Variants in TBL1X observed in about 807,000 individuals in gnomAD.
TBL1X encodes the protein transducin beta like 1 X-linked.
Under a neutral mutation model 50.7 loss-of-function variants are expected in TBL1X, and 10 were observed. The ratio of observed to expected loss-of-function variants is 0.20; its 90% confidence interval spans 0.12 to 0.33. TBL1X has a LOEUF of 0.33. TBL1X is among the 10% of genes least tolerant of loss of function. TBL1X has a pLI of 1.00. For synonymous variants in TBL1X, 190 were observed against 214.7 expected (o/e 0.88, Z 1.01); for missense variants, 340 against 504.4 (o/e 0.67, Z 3.12).
intron 1 of TBL1X, among the ~76,000 whole-genome samples, chrX:9,491,330 A>ATT: frequency 4.4e-5 from 1 of 22,731 alleles, no homozygotes; most frequent in African/African-American, 1.8e-4. Flanking sequence ...ATATATATAT[A>ATT]TATATATATT....
intron 2 of TBL1X, among the ~76,000 whole-genome samples, chrX:9,621,738 C>A (rs982076037): frequency 3.6e-5 from 4 of 112,121 alleles, no homozygotes; most frequent in African/African-American, 1.3e-4. Flanking sequence ...GAACACCCAG[C>A]CCATTTCCCA....
intron 2 of TBL1X, among the ~76,000 whole-genome samples, chrX:9,631,963 T>G (rs1306266652): frequency 2.7e-5 from 3 of 112,564 alleles, no homozygotes; most frequent in Non-Finnish European, 3.7e-5. Flanking sequence ...TTGAAAGATA[T>G]TTCATCTGAG....
chrX:9,681,341 C>T (rs972852864), intron 5 of TBL1X, among the ~76,000 whole-genome samples: 6 of 111,948 alleles, frequency 5.4e-5, no homozygotes, highest in African/African-American at 1.6e-4. Context: ...AGCGGAATCT[C>T]GGAGTCACAT....
intron 2 of TBL1X, among the ~76,000 whole-genome samples, chrX:9,625,135 C>T (rs2082686049): frequency 8.9e-6 from 1 of 112,320 alleles, no homozygotes; most frequent in Non-Finnish European, 1.9e-5. Context: ...AAAACGTCTG[C>T]AGGTTCATCT....
intron 2 of TBL1X, among the ~76,000 whole-genome samples, chrX:9,566,066 G>A (rs762444219): frequency 8.9e-6 from 1 of 112,379 alleles, no homozygotes; most frequent in South Asian, 3.7e-4. Context: ...GAAAGTGAAA[G>A]TATAGGATAT....
chrX:9,687,957 G>T (rs1175842632), intron 6 of TBL1X, 60 bp from the exon 7 acceptor site: 11 of 1,154,356 alleles, frequency 9.5e-6, no homozygotes, highest in African/African-American at 1.8e-5. Flanking sequence ...GAGAGCAGAG[G>T]CCATTCCCAG....
rs371007421 is a variant in TBL1X at position 9,478,625 on chromosome X, G to T, written c.-201+13178G>T. On this transcript the variant is annotated intron_variant, in intron 1 of 17. Coordinates refer to ENST00000645353, the MANE Select transcript of TBL1X (RefSeq NM_005647.4). Reference sequence around the variant, plus strand: ...CTAATGGGAGGCCATCAGGATGGGGGAGGAGAGGAGCCTGATTGCTGCTAA... The same window carrying T: ...CTAATGGGAGGCCATCAGGATGGGGTAGGAGAGGAGCCTGATTGCTGCTAA... 8.4e-4 allele frequency among the ~76,000 whole-genome samples: 94 copies of T among 111,828 alleles called. 1 individual carries two copies. Among genetic ancestry groups the T allele is most frequent in the East Asian group, 6.2e-3 (22 of 3,548 alleles).
At chrX:9,473,120 C>T (rs1022059239) in intron 1 of TBL1X, among the ~76,000 whole-genome samples, 2 of 111,106 alleles carry the variant, frequency 1.8e-5, no homozygotes, top group African/African-American at 6.6e-5. Context: ...ATGTAAAAAT[C>T]GGTAGTGCCA....
intron 2 of TBL1X, among the ~76,000 whole-genome samples, chrX:9,510,324 C>T (rs1275902401): frequency 8.9e-6 from 1 of 112,030 alleles, no homozygotes; most frequent in African/African-American, 3.2e-5. Flanking sequence ...ATTTGGATTG[C>T]AGTTAGTGCA....
At chrX:9,490,172 T>A (rs1042414846) in intron 1 of TBL1X, among the ~76,000 whole-genome samples, 5 of 110,720 alleles carry the variant, frequency 4.5e-5, no homozygotes. Flanking sequence ...AGTCTCATCA[T>A]GTTGTCCAGA....
At chrX:9,544,106 T>C (rs187352033) in intron 2 of TBL1X, among the ~76,000 whole-genome samples, 9 of 112,027 alleles carry the variant, frequency 8.0e-5, no homozygotes, top group African/African-American at 2.9e-4. Context: ...CCACCCCGTA[T>C]CCCAAGAAAT....
chrX:9,651,254 A>G lies in TBL1X; in HGVS notation c.-42-2291A>G, dbSNP rs752130409. On this transcript the variant is annotated intron_variant, in intron 3 of 17. Transcript: ENST00000645353. ...GAGACAGAGTTTTGCTGTGTTGCCC[A>G]GGCAGGTCTCAAACTCCTGGGCTCA... Among the ~76,000 whole-genome samples the G allele has an allele frequency of 4.5e-5, 5 of 111,219 alleles. No individual in the cohort carries two copies. In the East Asian group the frequency reaches 1.4e-3, roughly 31 times the overall value.
chrX:9,626,380 C>T (rs970290858), intron 2 of TBL1X, among the ~76,000 whole-genome samples: 5 of 111,556 alleles, frequency 4.5e-5, no homozygotes, highest in African/African-American at 9.8e-5. Context: ...TTTCAAGATT[C>T]GGTCATCCTT....
intron 1 of TBL1X, among the ~76,000 whole-genome samples, chrX:9,495,267 T>G (rs1331804986): frequency 1.8e-5 from 2 of 111,508 alleles, no homozygotes; most frequent in African/African-American, 6.5e-5. Flanking sequence ...CCTGATTTAG[T>G]AGAGAAGAGG....
chrX:9,528,502 G>GAAGA (rs2082143569), intron 2 of TBL1X, among the ~76,000 whole-genome samples: 1 of 110,289 alleles, frequency 9.1e-6, no homozygotes, highest in Admixed American at 9.7e-5. Flanking sequence ...ACTGTCAGAT[G>GAAGA]AAGAGGGACA....
At chrX:9,704,650 C>T (rs775480581) in intron 12 of TBL1X, among the ~76,000 whole-genome samples, 6 of 110,342 alleles carry the variant, frequency 5.4e-5, no homozygotes, top group South Asian at 3.9e-4. Flanking sequence ...TTTGGGAGGC[C>T]GAGGCGGGTA....
chrX:9,463,707 A>C (rs887761904), upstream of TBL1X, among the ~76,000 whole-genome samples: 7 of 111,758 alleles, frequency 6.3e-5, no homozygotes, highest in East Asian at 2.0e-3. Flanking sequence ...TCTGGCCAAT[A>C]TGGTGAAACC....
intron 2 of TBL1X, among the ~76,000 whole-genome samples, chrX:9,620,265 A>T (rs979799534): frequency 8.9e-6 from 1 of 112,364 alleles, no homozygotes; most frequent in Admixed American, 9.4e-5. Flanking sequence ...TGTGCTGTCC[A>T]CTACAGGCTC....
intron 2 of TBL1X, among the ~76,000 whole-genome samples, chrX:9,629,802 T>C (rs1489611296): frequency 9.0e-6 from 1 of 111,346 alleles, no homozygotes; most frequent in East Asian, 2.8e-4. Flanking sequence ...AGGGTTTCTC[T>C]AGAAACAGAC....
Sources: allele counts gnomAD v4.1 joint callset (sites outside exome capture counted in the v4.1 genomes callset), GRCh38; gene constraint gnomAD v4.1.1; transcripts MANE v1.5; gene names NCBI Gene and HGNC (gene_info 2026-07-23, HGNC 2026-07-21).